The following DCHS2 variants were observed in gnomAD, a reference collection of about 807,000 sequenced individuals.
DCHS2 encodes the protein protocadherin-23.
Under a neutral mutation model 182.4 loss-of-function variants are expected in DCHS2, and 142 were observed. The ratio of observed to expected loss-of-function variants is 0.78; its 90% confidence interval spans 0.68 to 0.89. The LOEUF (loss-of-function observed/expected upper bound fraction) is 0.89, where lower values mean the gene tolerates loss of function less well. Among genes scored for constraint, DCHS2 ranks in the 40% least tolerant of loss-of-function variants. The probability of loss-of-function intolerance (pLI) is 0.00; values close to 1 mark genes in which losing one functional copy is unlikely to be tolerated. For synonymous variants in DCHS2, 1,740 were observed against 1,663.3 expected (o/e 1.05, Z -1.12); for missense variants, 4,319 against 4,198.6 (o/e 1.03, Z -0.79).
At chr4:154,258,705 C>G (rs1002633923) in intron 15 of DCHS2, among the ~76,000 whole-genome samples, 5 of 152,016 alleles carry the variant, frequency 3.3e-5, no homozygotes, top group African/African-American at 1.2e-4. Context: ...GGTGTCTGCA[C>G]AGTAAAGAAC....
rs752151098 is a variant in DCHS2 at position 154,331,733 on chromosome 4, T to G, written c.3730+745A>C. Reference sequence around the variant, plus strand: ...GCTGGACCTGCACAAAAAGGGAGCTTCTTCTCATCTTACCAGCTCCATGAC... The same window carrying G: ...GCTGGACCTGCACAAAAAGGGAGCTGCTTCTCATCTTACCAGCTCCATGAC... On this transcript the variant is annotated intron_variant, in intron 5 of 19. Coordinates refer to ENST00000357232, the MANE Select transcript of DCHS2 (RefSeq NM_001358235.2). The G allele has an allele frequency of 3.1e-6, 5 of 1,603,842 alleles. No homozygotes were observed. In the East Asian group the frequency reaches 6.7e-5, roughly 21 times the overall value.
At chr4:154,352,898 G>A (rs1729687112) in intron 3 of DCHS2, among the ~76,000 whole-genome samples, 1 of 152,162 alleles carries the variant, frequency 6.6e-6, no homozygotes, top group African/African-American at 2.4e-5. Flanking sequence ...GAGGGTAGGG[G>A]CAGACTGGGG....
At chr4:154,340,692 A>T (rs550170538) in intron 3 of DCHS2, among the ~76,000 whole-genome samples, 10 of 152,340 alleles carry the variant, frequency 6.6e-5, no homozygotes, top group Admixed American at 6.5e-4. Context: ...ATGAATGTCC[A>T]TTTTATTTGC....
intron 3 of DCHS2, among the ~76,000 whole-genome samples, chr4:154,344,366 G>T (rs1729258391): frequency 6.6e-6 from 1 of 152,138 alleles, no homozygotes; most frequent in Admixed American, 6.6e-5. Context: ...ATGAAGTGGG[G>T]TATGTCTGTA....
intron 10 of DCHS2, among the ~76,000 whole-genome samples, chr4:154,310,166 T>G (rs1223126397): frequency 2.0e-5 from 3 of 152,202 alleles, no homozygotes; most frequent in African/African-American, 7.2e-5. Flanking sequence ...AAGAAGCTTA[T>G]AGTTTCAAAG....
intron 13 of DCHS2, among the ~76,000 whole-genome samples, chr4:154,278,159 A>G (rs1733951898): frequency 6.6e-6 from 1 of 152,250 alleles, no homozygotes; most frequent in Admixed American, 6.5e-5. Flanking sequence ...ATCAATAAAG[A>G]GATAGAAACT....
Position 154,234,718 on chromosome 4 carries a change from G to A in DCHS2, c.9934C>T (p.Pro3312Ser). ...GQVPPKHPRSPIPYHLGSLPE... is the reference protein window; with the variant it reads ...GQVPPKHPRSSIPYHLGSLPE... ...AGAGAACCAAGATGGTAGGGGATGG[G>A]AGAGCGTGGGTGTTTCGGAGGCACC... Residue 3312 changes from proline to serine, a missense_variant, in exon 20 of 20, where the codon CCC becomes TCC. Coordinates refer to ENST00000357232, the MANE Select transcript of DCHS2 (RefSeq NM_001358235.2). 6.2e-7 allele frequency: 1 copy of A among 1,614,036 alleles called. No homozygotes were observed. The highest frequency in any genetic ancestry group is 8.5e-7 in the Non-Finnish European group (1 of 1,179,948).
chr4:154,302,559 C>T (rs561605848), intron 12 of DCHS2, among the ~76,000 whole-genome samples: 8 of 152,146 alleles, frequency 5.3e-5, no homozygotes, highest in Admixed American at 3.3e-4. Flanking sequence ...CCTTTTTAGC[C>T]GATTTCCTGG....
intron 9 of DCHS2, among the ~76,000 whole-genome samples, chr4:154,316,530 C>A (rs1735861161): frequency 6.6e-6 from 1 of 152,104 alleles, no homozygotes; most frequent in Non-Finnish European, 1.5e-5. Context: ...CACTTGTAAT[C>A]CCAGCACTTT....
intron 3 of DCHS2, among the ~76,000 whole-genome samples, chr4:154,357,582 T>C (rs933569132): frequency 7.2e-5 from 11 of 152,206 alleles, no homozygotes; most frequent in Non-Finnish European, 1.6e-4. Flanking sequence ...AGCAAGCTTT[T>C]GTCTCCTTAC....
intron 1 of DCHS2, among the ~76,000 whole-genome samples, chr4:154,394,634 A>G (rs1377164410): frequency 6.6e-6 from 1 of 152,108 alleles, no homozygotes; most frequent in Non-Finnish European, 1.5e-5. Context: ...GGTCCTTTAT[A>G]TCTCACTCCT....
Position 154,313,680 on chromosome 4 carries a change from C to T in DCHS2, c.5260+2068G>A, listed in dbSNP as rs114052574. Among the ~76,000 whole-genome samples the T allele has an allele frequency of 5.1e-3, 769 of 152,166 alleles. 10 individuals carry two copies. The highest frequency in any genetic ancestry group is 0.018 in the African/African-American group (738 of 41,516). On this transcript the variant is annotated intron_variant, in intron 10 of 19. Transcript: ENST00000357232. ...AAATATATTCGAAAGTACGTGCATA[C>T]ACACAAATATTCACATGTGTTTACA...
Position 154,315,828 on chromosome 4 carries a change from T to A in DCHS2, c.5180A>T (p.His1727Leu). The A allele has an allele frequency of 1.2e-6, 2 of 1,614,046 alleles. No individual in the cohort carries two copies. The highest frequency in any genetic ancestry group is 1.7e-6 in the Non-Finnish European group (2 of 1,179,992). ...VNDEAPVFKQ[H>L]LYEASVKENQ... ...TTCTTTCACTGAGGCTTCATACAGG[T>A]GCTGCTTAAATACTGGAGCTTCATC... The change falls in exon 10 of 20, where the codon CAC (histidine) becomes CTC (leucine). Residue 1727 changes from histidine (H) to leucine (L), a missense_variant. Coordinates refer to ENST00000357232, the MANE Select transcript of DCHS2 (RefSeq NM_001358235.2).
intron 7 of DCHS2, chr4:154,323,102 GA>G (rs1340523541): frequency 7.1e-6 from 9 of 1,269,668 alleles, no homozygotes; most frequent in Non-Finnish European, 9.5e-6. Flanking sequence ...TTTATTTGTT[GA>G]ATAAACTGGA....
At chr4:154,481,679 T>C (rs1267686467) in intron 1 of DCHS2, among the ~76,000 whole-genome samples, 1 of 152,228 alleles carries the variant, frequency 6.6e-6, no homozygotes, top group Non-Finnish European at 1.5e-5. Flanking sequence ...GTGTCCTGGA[T>C]ATGCATCATC....
At chr4:154,292,229 C>T (rs1734701376) in intron 13 of DCHS2, among the ~76,000 whole-genome samples, 1 of 152,078 alleles carries the variant, frequency 6.6e-6, no homozygotes, top group Admixed American at 6.5e-5. Flanking sequence ...AGAAACATAA[C>T]AAAATAATCC....
intron 1 of DCHS2, 104 bp from the exon 2 acceptor site, chr4:154,377,548 G>T: frequency 2.3e-6 from 2 of 857,756 alleles, no homozygotes; most frequent in Middle Eastern, 3.2e-4. Context: ...AACCCCCATA[G>T]CTATTCACAA....
chr4:154,442,655 TC>T (rs1185278753), intron 1 of DCHS2, among the ~76,000 whole-genome samples: 1 of 150,862 alleles, frequency 6.6e-6, no homozygotes, highest in Non-Finnish European at 1.5e-5. Flanking sequence ...GAGGTGTATA[TC>T]CTCTTTGCTG....
At chr4:154,290,540 A>G (rs1166276000) in intron 13 of DCHS2, among the ~76,000 whole-genome samples, 1 of 151,790 alleles carries the variant, frequency 6.6e-6, no homozygotes, top group Admixed American at 6.6e-5. Flanking sequence ...TTCAAATTAT[A>G]CTACAAAACT....
Sources: allele counts gnomAD v4.1 joint callset (sites outside exome capture counted in the v4.1 genomes callset), GRCh38; gene constraint gnomAD v4.1.1; transcripts MANE v1.5; gene names NCBI Gene and HGNC (gene_info 2026-07-23, HGNC 2026-07-21).